The following CACNA1C variants were observed in gnomAD, a reference collection of about 807,000 sequenced individuals.
CACNA1C encodes the protein voltage-dependent L-type calcium channel subunit alpha-1C.
Under a neutral mutation model 229.0 loss-of-function variants are expected in CACNA1C, and 30 were observed. The observed-to-expected ratio is 0.13, with a 90% CI of 0.10 to 0.18. The LOEUF (loss-of-function observed/expected upper bound fraction) is 0.18. CACNA1C is among the 10% of genes least tolerant of loss of function. The probability of loss-of-function intolerance (pLI) is 1.00; values close to 1 mark genes in which losing one functional copy is unlikely to be tolerated. For synonymous variants in CACNA1C, 1,114 were observed against 1,132.5 expected (o/e 0.98, Z 0.33); for missense variants, 1,658 against 2,845.0 (o/e 0.58, Z 9.49).
At chr12:2,397,537 G>A (rs1429657558) in intron 3 of CACNA1C, among the ~76,000 whole-genome samples, 1 of 152,356 alleles carries the variant, frequency 6.6e-6, no homozygotes. Flanking sequence ...TTGATTGACT[G>A]GGTGGCCCTG....
intron 3 of CACNA1C, among the ~76,000 whole-genome samples, chr12:2,424,181 G>A (rs1567602582): frequency 6.6e-6 from 1 of 152,216 alleles, no homozygotes; most frequent in South Asian, 2.1e-4. Context: ...TCTTCAGTGG[G>A]TCTGCACACA....
At chr12:2,476,367 C>T (rs2099628311) in intron 5 of CACNA1C, among the ~76,000 whole-genome samples, 1 of 152,246 alleles carries the variant, frequency 6.6e-6, no homozygotes, top group South Asian at 2.1e-4. Flanking sequence ...AACTCCAACT[C>T]TGCCATTTAC....
At chr12:2,278,744 T>A (rs918623137) in intron 3 of CACNA1C, among the ~76,000 whole-genome samples, 1 of 152,236 alleles carries the variant, frequency 6.6e-6, no homozygotes, top group Admixed American at 6.5e-5. Flanking sequence ...CTTGGGTAGA[T>A]ACCTGGGAGT....
intron 29 of CACNA1C, among the ~76,000 whole-genome samples, chr12:2,628,050 A>G (rs2087964221): frequency 6.6e-6 from 1 of 152,220 alleles, no homozygotes; most frequent in African/African-American, 2.4e-5. Flanking sequence ...CCAAATGCCT[A>G]AGACTGACAG....
intron 3 of CACNA1C, among the ~76,000 whole-genome samples, chr12:2,301,692 C>G (rs2094572097): frequency 6.6e-6 from 1 of 152,210 alleles, no homozygotes; most frequent in Non-Finnish European, 1.5e-5. Context: ...GTGACCCAGC[C>G]TGATCTCCTT....
At position 2,357,224 on chromosome 12, in the gene CACNA1C, G is replaced by A. The variant is rs115625743; in HGVS notation, c.478-91752G>A. ...CTGCTGTTCCCCAGCTGCACGCCCT[G>A]GTTTCAAGTAGGTCTAAAATTACAA... On this transcript the variant is annotated intron_variant, in intron 3 of 46. Transcript: ENST00000399655. Among the ~76,000 whole-genome samples, 936 of 152,228 alleles carry A rather than the reference G, an allele frequency of 6.1e-3. 9 individuals are homozygous for A. Among genetic ancestry groups the A allele is most frequent in the African/African-American group, 0.021 (889 of 41,528 alleles).
chr12:2,526,764 G>T (rs541561871), intron 9 of CACNA1C, among the ~76,000 whole-genome samples: 1 of 152,206 alleles, frequency 6.6e-6, no homozygotes, highest in Non-Finnish European at 1.5e-5. Flanking sequence ...TCTACATGGC[G>T]CTGCAGAGAG....
chr12:2,542,005 G>GC lies in CACNA1C; in HGVS notation c.1391-7936dup, dbSNP rs528558118. On this transcript the variant is annotated intron_variant, in intron 9 of 46. Transcript: ENST00000399655. ...TGAGGATGGTTCTCCCCATCCTCCT[G>GC]CCAGTCTCAGGATGGGAAGGAAGGG... 1.9e-3 allele frequency among the ~76,000 whole-genome samples: 283 copies of GC among 152,250 alleles called. 2 individuals are homozygous for GC. The highest frequency in any genetic ancestry group is 6.8e-3 in the Middle Eastern group (2 of 294).
intron 5 of CACNA1C, among the ~76,000 whole-genome samples, chr12:2,470,619 A>G (rs2099586333): frequency 6.6e-6 from 1 of 152,178 alleles, no homozygotes; most frequent in Non-Finnish European, 1.5e-5. Flanking sequence ...GTGTGCCTCG[A>G]TTTCCTGATC....
intron 3 of CACNA1C, among the ~76,000 whole-genome samples, chr12:2,395,124 A>G (rs1228311407): frequency 6.6e-6 from 1 of 150,612 alleles, no homozygotes; most frequent in African/African-American, 2.4e-5. Flanking sequence ...GGCTCAAATG[A>G]TTTCCTGCCT....
At chr12:2,554,743 G>A (rs1051959690) in intron 10 of CACNA1C, among the ~76,000 whole-genome samples, 2 of 152,208 alleles carry the variant, frequency 1.3e-5, no homozygotes, top group African/African-American at 4.8e-5. Flanking sequence ...AAAGGGAGCA[G>A]AAAGAACCAA....
intron 6 of CACNA1C, among the ~76,000 whole-genome samples, chr12:2,487,352 C>T (rs377485620): frequency 3.3e-5 from 5 of 150,682 alleles, no homozygotes; most frequent in African/African-American, 1.2e-4. Flanking sequence ...TGGGACCTCT[C>T]GCTTCATTGG....
chr12:2,267,748 G>C (rs2082937074), intron 3 of CACNA1C, among the ~76,000 whole-genome samples: 1 of 152,212 alleles, frequency 6.6e-6, no homozygotes, highest in African/African-American at 2.4e-5. Flanking sequence ...CGCCCTCTCT[G>C]AGCAGGGGGG....
intron 3 of CACNA1C, among the ~76,000 whole-genome samples, chr12:2,229,164 A>G (rs1360675755): frequency 6.6e-6 from 1 of 152,162 alleles, no homozygotes; most frequent in African/African-American, 2.4e-5. Context: ...TTGCTGGCTC[A>G]CTTGGGCAAG....
chr12:2,521,292 T>C (rs1405364957), intron 9 of CACNA1C, among the ~76,000 whole-genome samples: 1 of 152,162 alleles, frequency 6.6e-6, no homozygotes, highest in East Asian at 1.9e-4. Context: ...GAGGCCACAC[T>C]GTGGTTTTGG....
chr12:2,431,491 A>T (rs1344409374), intron 3 of CACNA1C, among the ~76,000 whole-genome samples: 1 of 152,140 alleles, frequency 6.6e-6, no homozygotes, highest in Non-Finnish European at 1.5e-5. Context: ...GGGAGAAAAA[A>T]CATAAGAGGC....
At chr12:2,191,676 GCACA>G (rs1233245942) in intron 3 of CACNA1C, among the ~76,000 whole-genome samples, 1 of 147,084 alleles carries the variant, frequency 6.8e-6, no homozygotes, top group Non-Finnish European at 1.5e-5. Flanking sequence ...ACTCATACAG[GCACA>G]CACGTACACC....
chr12:2,252,568 A>G (rs1263729138), intron 3 of CACNA1C, among the ~76,000 whole-genome samples: 1 of 152,190 alleles, frequency 6.6e-6, no homozygotes, highest in Non-Finnish European at 1.5e-5. Flanking sequence ...TCCACTGTCT[A>G]TCAAGAAGCA....
intron 3 of CACNA1C, among the ~76,000 whole-genome samples, chr12:2,334,173 G>T (rs1442204715): frequency 3.3e-5 from 5 of 152,184 alleles, no homozygotes; most frequent in Admixed American, 6.5e-5. Context: ...TAGTGAAAAA[G>T]ATTTACACAA....
Sources: gnomAD v4.1 joint callset for allele counts (sites outside exome capture counted in the v4.1 genomes callset) on GRCh38, gnomAD v4.1.1 for gene constraint, MANE v1.5 for transcripts, NCBI Gene and HGNC (gene_info 2026-07-23, HGNC 2026-07-21) for gene names.